The following AFF2 variants were observed in gnomAD, a reference collection of about 807,000 sequenced individuals.
The protein encoded by AFF2 is ALF transcription elongation factor 2, also known as AF4/FMR2 family member 2.
Under a neutral mutation model 76.9 loss-of-function variants are expected in AFF2, and 14 were observed. That is an observed-to-expected ratio of 0.18 (90% CI 0.12 to 0.28). The LOEUF (loss-of-function observed/expected upper bound fraction) is 0.28, where lower values mean the gene tolerates loss of function less well. AFF2 is among the 10% of genes least tolerant of loss of function. AFF2 has a pLI of 1.00. For missense variants in AFF2, 868 were observed against 1,001.1 expected (o/e 0.87, Z 1.79); for synonymous variants, 398 against 366.7 (o/e 1.09, Z -0.98).
chrX:148,601,643 G>A (rs1027004618), intron 1 of AFF2, among the ~76,000 whole-genome samples: 2 of 110,502 alleles, frequency 1.8e-5, no homozygotes, highest in East Asian at 2.8e-4. Flanking sequence ...GAGAAAGTAG[G>A]AATTTCTTAA....
At chrX:148,945,275 A>G (rs1329601177) in intron 9 of AFF2, among the ~76,000 whole-genome samples, 1 of 112,201 alleles carries the variant, frequency 8.9e-6, no homozygotes, top group Non-Finnish European at 1.9e-5. Flanking sequence ...AAGGAATCTG[A>G]TAGAAATTGT....
chrX:148,700,649 A>C (rs1557261735), intron 3 of AFF2, among the ~76,000 whole-genome samples: 1 of 110,894 alleles, frequency 9.0e-6, no homozygotes, highest in African/African-American at 3.3e-5. Context: ...GTGTTTTGGA[A>C]TATAACTACA....
intron 1 of AFF2, among the ~76,000 whole-genome samples, chrX:148,534,344 A>G (rs2052760480): frequency 8.9e-6 from 1 of 112,763 alleles, no homozygotes; most frequent in Admixed American, 9.4e-5. Flanking sequence ...GACTACCATG[A>G]AGATCAAATG....
At chrX:148,870,032 A>G (rs1027940999) in intron 7 of AFF2, among the ~76,000 whole-genome samples, 1 of 111,247 alleles carries the variant, frequency 9.0e-6, no homozygotes, top group Non-Finnish European at 1.9e-5. Context: ...TAGGAACGCA[A>G]TTCACCCCCT....
intron 1 of AFF2, among the ~76,000 whole-genome samples, chrX:148,603,989 A>C (rs1276700840): frequency 9.0e-6 from 1 of 111,256 alleles, no homozygotes; most frequent in Non-Finnish European, 1.9e-5. Context: ...GAGTTTCATT[A>C]CTTACTTTTC....
intron 1 of AFF2, among the ~76,000 whole-genome samples, chrX:148,647,260 G>A (rs1348875694): frequency 1.8e-5 from 2 of 112,214 alleles, no homozygotes; most frequent in Non-Finnish European, 3.8e-5. Flanking sequence ...AACAAGTGAG[G>A]CTGAATTATT....
At chrX:148,586,038 T>C (rs1557245879) in intron 1 of AFF2, among the ~76,000 whole-genome samples, 1 of 110,768 alleles carries the variant, frequency 9.0e-6, no homozygotes, top group Non-Finnish European at 1.9e-5. Flanking sequence ...TGTGTTTTTA[T>C]AAAATGTATA....
rs971552583 is a variant in AFF2, at chrX:148,639,274, C to T, written c.48-12725C>T. Reference sequence around the variant, plus strand: ...GAAACATTTAAAAATCCCGGTATGCCCCATATTTATTCATTTGTTTATTTG... The same window carrying T: ...GAAACATTTAAAAATCCCGGTATGCTCCATATTTATTCATTTGTTTATTTG... On this transcript the variant is annotated intron_variant, in intron 1 of 20. Coordinates refer to ENST00000370460, the MANE Select transcript of AFF2 (RefSeq NM_002025.4). Among the ~76,000 whole-genome samples, 3 of 111,862 alleles carry T rather than the reference C, an allele frequency of 2.7e-5. No individual in the cohort carries two copies. In the East Asian group the frequency reaches 8.4e-4, roughly 31 times the overall value.
chrX:148,638,919 A>G (rs1200103005), intron 1 of AFF2, among the ~76,000 whole-genome samples: 1 of 112,227 alleles, frequency 8.9e-6, no homozygotes, highest in Non-Finnish European at 1.9e-5. Context: ...TCTAACACTT[A>G]GGACCTCTTT....
intron 1 of AFF2, among the ~76,000 whole-genome samples, chrX:148,553,593 G>A (rs2053019041): frequency 9.0e-6 from 1 of 111,699 alleles, no homozygotes; most frequent in African/African-American, 3.3e-5. Context: ...TTCTGGAACA[G>A]AGAGCTGTCC....
At chrX:148,767,937 CAT>C (rs1557267873) in intron 3 of AFF2, among the ~76,000 whole-genome samples, 3 of 110,395 alleles carry the variant, frequency 2.7e-5, no homozygotes. Context: ...ATAATTGTAA[CAT>C]GTGCTCTATC....
intron 8 of AFF2, among the ~76,000 whole-genome samples, chrX:148,903,130 A>G (rs149859238): frequency 1.8e-5 from 2 of 111,427 alleles, no homozygotes; most frequent in East Asian, 5.6e-4. Flanking sequence ...AGATCCCCAA[A>G]CAGATACTTT....
intron 3 of AFF2, among the ~76,000 whole-genome samples, chrX:148,741,502 C>T (rs1437930516): frequency 3.6e-5 from 4 of 110,624 alleles, no homozygotes; most frequent in Non-Finnish European, 7.6e-5. Flanking sequence ...CCCCAACAGC[C>T]CCAAGTCTGT....
intron 7 of AFF2, among the ~76,000 whole-genome samples, chrX:148,855,380 C>A (rs1051500929): frequency 9.0e-6 from 1 of 111,174 alleles, no homozygotes; most frequent in African/African-American, 3.3e-5. Context: ...ATGTTTGACT[C>A]TCCTGAACAT....
intron 12 of AFF2, 151 bp downstream of exon 12, chrX:148,958,609 C>T: frequency 2.5e-6 from 2 of 788,760 alleles, no homozygotes; most frequent in Non-Finnish European, 3.5e-6. Context: ...CTGTCCCTGG[C>T]CACTGGTCTA....
At chrX:148,574,494 C>T (rs1447470047) in intron 1 of AFF2, among the ~76,000 whole-genome samples, 7 of 111,649 alleles carry the variant, frequency 6.3e-5, no homozygotes, top group African/African-American at 2.3e-4. Context: ...TGATCTTAGT[C>T]AATGACCTGG....
intron 8 of AFF2, among the ~76,000 whole-genome samples, chrX:148,900,405 G>T (rs1363639261): frequency 8.9e-6 from 1 of 111,966 alleles, no homozygotes; most frequent in African/African-American, 3.3e-5. Context: ...GGTTTAGCGA[G>T]TGAGCAAATC....
intron 4 of AFF2, 114 bp from the exon 5 acceptor site, chrX:148,837,533 T>G: frequency 2.9e-6 from 1 of 346,380 alleles, no homozygotes; most frequent in Non-Finnish European, 4.7e-6. Context: ...ACCTTAAGTA[T>G]TAGGTCAGTT....
At chrX:148,903,886 C>T (rs1358259928) in intron 8 of AFF2, among the ~76,000 whole-genome samples, 2 of 111,075 alleles carry the variant, frequency 1.8e-5, no homozygotes, top group Non-Finnish European at 3.8e-5. Flanking sequence ...GGTCCAAACA[C>T]GGTAAGATTA....
Sources: gnomAD v4.1 joint callset for allele counts (sites outside exome capture counted in the v4.1 genomes callset) on GRCh38, gnomAD v4.1.1 for gene constraint, MANE v1.5 for transcripts, NCBI Gene and HGNC (gene_info 2026-07-23, HGNC 2026-07-21) for gene names.